The following SLCO1A2 variants were observed in gnomAD, a reference collection of about 807,000 sequenced individuals.
The protein encoded by SLCO1A2 is solute carrier organic anion transporter family member 1A2.
SLCO1A2 carries 67 observed loss-of-function variants against 69.0 expected under a neutral mutation model. That is an observed-to-expected ratio of 0.97 (90% CI 0.80 to 1.19). SLCO1A2 has a LOEUF of 1.19. Ranked by LOEUF, SLCO1A2 falls within the 50% of genes most tolerant of loss-of-function variation. The pLI, the probability that SLCO1A2 is intolerant of heterozygous loss-of-function variation, is 0.00. For missense variants in SLCO1A2, 787 were observed against 793.7 expected (o/e 0.99, Z 0.10); for synonymous variants, 260 against 265.9 (o/e 0.98, Z 0.22).
intron 1 of SLCO1A2, among the ~76,000 whole-genome samples, chr12:21,409,467 T>A (rs1012902786): frequency 7.9e-5 from 12 of 152,256 alleles, no homozygotes; most frequent in Middle Eastern, 3.4e-3. Context: ...ACAAGGTAGA[T>A]TTGGATATTT....
At chr12:21,287,090 A>G (rs866716403) in intron 12 of SLCO1A2, among the ~76,000 whole-genome samples, 33 of 121,196 alleles carry the variant, frequency 2.7e-4, no homozygotes, top group Middle Eastern at 7.9e-3. Flanking sequence ...AAAATGGGAG[A>G]AAATTTTCAC....
At chr12:21,398,973 G>T (rs1366591484), upstream of SLCO1A2, among the ~76,000 whole-genome samples, 4 of 150,620 alleles carry the variant, frequency 2.7e-5, no homozygotes, top group African/African-American at 9.7e-5. Context: ...ACAAGACAGG[G>T]ATGCCCTCTC....
intron 8 of SLCO1A2, among the ~76,000 whole-genome samples, chr12:21,298,074 GT>G (rs1948010623): frequency 6.6e-6 from 1 of 152,084 alleles, no homozygotes; most frequent in South Asian, 2.1e-4. Flanking sequence ...AGATATGAAT[GT>G]TCTCAAGTAT....
rs371960486 is a variant in SLCO1A2, at chr12:21,300,539, C to A, written c.719G>T (p.Arg240Leu). The A allele has an allele frequency of 3.7e-6, 6 of 1,612,270 alleles. No homozygotes were observed. The highest frequency in any genetic ancestry group is 5.1e-6 in the Non-Finnish European group (6 of 1,179,136). The change falls in exon 8 of 15, where the codon CGT (arginine) becomes CTT (leucine). Residue 240 changes from arginine to leucine, a missense_variant. Coordinates refer to ENST00000683939, the MANE Select transcript of SLCO1A2 (RefSeq NM_001386879.1). ...GCCAAACCACCATGCACCGACCCAA[C>A]GAGTGTCAGTGGGAGTTATGATCAG... ...DDLIITPTDT[R>L]WVGAWWFGFL...
chr12:21,328,716 A>G (rs2136926951), intron 2 of SLCO1A2, among the ~76,000 whole-genome samples: 1 of 151,790 alleles, frequency 6.6e-6, no homozygotes, highest in East Asian at 1.9e-4. Context: ...GTACAGTCCA[A>G]CTGCACTTAG....
intron 12 of SLCO1A2, among the ~76,000 whole-genome samples, chr12:21,282,579 G>A (rs1015396066): frequency 1.3e-5 from 2 of 152,098 alleles, no homozygotes; most frequent in Admixed American, 1.3e-4. Context: ...ACTGCTAGAA[G>A]TCTGAGCTAG....
intron 5 of SLCO1A2, among the ~76,000 whole-genome samples, chr12:21,305,685 T>C (rs970398888): frequency 6.6e-6 from 1 of 152,240 alleles, no homozygotes; most frequent in Non-Finnish European, 1.5e-5. Flanking sequence ...TCTTTGGCAA[T>C]AGCCCGCTCA....
chr12:21,334,574 C>CA lies in SLCO1A2; in HGVS notation c.60+13dup. 6.3e-7 allele frequency: 1 copy of CA among 1,599,606 alleles called. No homozygotes were observed. The highest frequency in any genetic ancestry group is 2.2e-5 in the East Asian group (1 of 44,630). On this transcript the variant is annotated intron_variant, in intron 2 of 14. Coordinates refer to ENST00000683939, the MANE Select transcript of SLCO1A2 (RefSeq NM_001386879.1). ...GTGTACATGCACATATATCCACATA[C>CA]AAAAATTCCATACCTTCAACTTGGA...
chr12:21,404,073 A>G (rs1332907240), intron 1 of SLCO1A2, among the ~76,000 whole-genome samples: 1 of 152,100 alleles, frequency 6.6e-6, no homozygotes, highest in Admixed American at 6.6e-5. Flanking sequence ...ATTTTTGAAC[A>G]GTAGACTGAG....
At chr12:21,329,318 C>G (rs1012829463) in intron 2 of SLCO1A2, among the ~76,000 whole-genome samples, 5 of 152,226 alleles carry the variant, frequency 3.3e-5, no homozygotes, top group African/African-American at 1.2e-4. Context: ...GTAACCACAG[C>G]TCTCAGAGGT....
At chr12:21,391,362 T>C (rs972856058) in intron 1 of SLCO1A2, among the ~76,000 whole-genome samples, 1 of 152,144 alleles carries the variant, frequency 6.6e-6, no homozygotes, top group Non-Finnish European at 1.5e-5. Context: ...AAATCTATTG[T>C]ATGATTCATG....
chr12:21,271,237 G>A (rs143564745), intron 14 of SLCO1A2, among the ~76,000 whole-genome samples: 6 of 151,862 alleles, frequency 4.0e-5, no homozygotes, highest in Middle Eastern at 3.4e-3. Flanking sequence ...TCTGAATTTA[G>A]TCGCTTGACT....
chr12:21,312,337 T>C (rs929487492), intron 4 of SLCO1A2, among the ~76,000 whole-genome samples: 3 of 152,218 alleles, frequency 2.0e-5, no homozygotes, highest in Admixed American at 6.5e-5. Context: ...TTTCGTAGAA[T>C]AGAAGAGAGA....
At position 21,300,371 on chromosome 12, in the gene SLCO1A2, T is replaced by G; in HGVS notation, c.887A>C (p.Lys296Thr). The change falls in exon 8 of 15, where the codon AAG becomes ACG. Residue 296 changes from lysine to threonine, a missense_variant. Lys to Thr is a moderately conservative substitution (Grantham distance 78). Transcript: ENST00000683939. ...GCCTTTAGTGATTCCATATTTTTCC[T>G]TCTTGACCTCTTCTTTTTGTTTGTC... ...NEDKQKEEVK[K>T]EKYGITKDFL... 1 of 1,612,320 alleles carries G rather than the reference T, an allele frequency of 6.2e-7. No individual in the cohort carries two copies. The highest frequency in any genetic ancestry group is 8.5e-7 in the Non-Finnish European group (1 of 1,178,802).
At chr12:21,360,912 C>G (rs917969773) in intron 2 of SLCO1A2, among the ~76,000 whole-genome samples, 1 of 152,000 alleles carries the variant, frequency 6.6e-6, no homozygotes, top group Non-Finnish European at 1.5e-5. Context: ...TGGAGCCCAC[C>G]GCAGCTCAAG....
chr12:21,354,803 A>G (rs1176957080), intron 2 of SLCO1A2, among the ~76,000 whole-genome samples: 1 of 152,082 alleles, frequency 6.6e-6, no homozygotes, highest in Non-Finnish European at 1.5e-5. Flanking sequence ...GACACTACTC[A>G]TATCTCCCAA....
chr12:21,281,911 T>C (rs556497011), intron 12 of SLCO1A2, among the ~76,000 whole-genome samples: 18 of 152,018 alleles, frequency 1.2e-4, no homozygotes, highest in Non-Finnish European at 2.1e-4. Flanking sequence ...AACAGATCAA[T>C]AAAAAGTAAT....
intron 14 of SLCO1A2, among the ~76,000 whole-genome samples, chr12:21,271,415 C>A (rs1244845273): frequency 1.3e-5 from 2 of 151,078 alleles, no homozygotes; most frequent in East Asian, 1.9e-4. Flanking sequence ...AAGAAAAGTC[C>A]CTTTTGAATT....
In SLCO1A2 at chr12:21,334,690, T is replaced by C. The variant is rs1210164920; in HGVS notation, c.-43A>G. 1 of 1,523,342 alleles carries C rather than the reference T, an allele frequency of 6.6e-7. No individual in the cohort carries two copies. The highest frequency in any genetic ancestry group is 1.8e-5 in the Admixed American group (1 of 55,488). 94.4% of individuals were successfully genotyped at this position (1,523,342 alleles called of 1,614,324 possible). ...TCCAAGCTATTTATGTTTTAAATCT[T>C]GATATGTCTTACTTCTACCCTTTCA... is the stretch of plus-strand genomic sequence containing the variant. On this transcript the variant is annotated 5_prime_UTR_variant, in exon 2 of 15. Transcript: ENST00000683939.
Sources: gnomAD v4.1 joint callset for allele counts (sites outside exome capture counted in the v4.1 genomes callset) on GRCh38, gnomAD v4.1.1 for gene constraint, MANE v1.5 for transcripts, NCBI Gene and HGNC (gene_info 2026-07-23, HGNC 2026-07-21) for gene names.